The following DSCAML1 variants were observed in gnomAD, a reference collection of about 807,000 sequenced individuals.
DSCAML1 encodes cell adhesion molecule DSCAML1.
Under a neutral mutation model 200.5 loss-of-function variants are expected in DSCAML1, and 38 were observed. That is an observed-to-expected ratio of 0.19 (90% CI 0.15 to 0.25). The LOEUF is 0.25. Among genes scored for constraint, DSCAML1 ranks in the 10% least tolerant of loss-of-function variants. The pLI, the probability that DSCAML1 is intolerant of heterozygous loss-of-function variation, is 1.00. For synonymous variants in DSCAML1, 1,215 were observed against 1,165.0 expected (o/e 1.04, Z -0.87); for missense variants, 2,223 against 2,858.8 (o/e 0.78, Z 5.07).
chr11:117,680,533 C>T (rs994352461), intron 3 of DSCAML1, among the ~76,000 whole-genome samples: 1 of 152,214 alleles, frequency 6.6e-6, no homozygotes, highest in East Asian at 1.9e-4. Context: ...AGCTCCAGGG[C>T]TGGGAGGGAC....
chr11:117,559,664 C>T (rs1281869039), intron 3 of DSCAML1, among the ~76,000 whole-genome samples: 2 of 152,170 alleles, frequency 1.3e-5, no homozygotes, highest in African/African-American at 2.4e-5. Context: ...TTTGGCTTTG[C>T]TGAGCCAGGC....
chr11:117,648,700 G>A (rs563672641), intron 3 of DSCAML1, among the ~76,000 whole-genome samples: 4 of 152,162 alleles, frequency 2.6e-5, no homozygotes, highest in Non-Finnish European at 4.4e-5. Context: ...GACACCTGGT[G>A]CACACTCTGC....
At chr11:117,680,517 A>C (rs2053292710) in intron 3 of DSCAML1, among the ~76,000 whole-genome samples, 1 of 152,198 alleles carries the variant, frequency 6.6e-6, no homozygotes, top group Non-Finnish European at 1.5e-5. Flanking sequence ...GAAGGCATGG[A>C]GGTGCAGCTC....
chr11:117,814,221 C>T (rs879504726), intron 1 of DSCAML1, among the ~76,000 whole-genome samples: 2 of 152,212 alleles, frequency 1.3e-5, no homozygotes, highest in Non-Finnish European at 2.9e-5. Context: ...CCCTATCTCC[C>T]TTCGCTGACT....
intron 5 of DSCAML1, among the ~76,000 whole-genome samples, chr11:117,522,552 G>A (rs891077759): frequency 3.9e-5 from 6 of 152,256 alleles, no homozygotes; most frequent in Non-Finnish European, 2.9e-5. Context: ...AAGCCTGCAG[G>A]AGAGAGGAAG....
At chr11:117,772,576 G>C (rs1305720384) in intron 3 of DSCAML1, among the ~76,000 whole-genome samples, 6 of 152,202 alleles carry the variant, frequency 3.9e-5, no homozygotes, top group Admixed American at 2.6e-4. Context: ...CAGTCAGGAT[G>C]CTGGGGAAGA....
intron 3 of DSCAML1, among the ~76,000 whole-genome samples, chr11:117,773,943 G>A (rs569299989): frequency 3.9e-5 from 6 of 152,270 alleles, no homozygotes; most frequent in East Asian, 1.9e-4. Context: ...GATTAGCATC[G>A]AGGCCACTTT....
intron 15 of DSCAML1, 51 bp from the exon 16 acceptor site, chr11:117,470,031 G>C (rs374250223): frequency 3.6e-5 from 54 of 1,516,986 alleles, no homozygotes; most frequent in Non-Finnish European, 4.6e-5. Flanking sequence ...ACTTGGAAGA[G>C]GAAGGGGTTC....
chr11:117,527,529 T>G (rs922882234), intron 4 of DSCAML1, among the ~76,000 whole-genome samples: 2 of 152,176 alleles, frequency 1.3e-5, no homozygotes, highest in African/African-American at 4.8e-5. Flanking sequence ...ATTGCAGAAC[T>G]GTATAGACTT....
chr11:117,518,453 T>G lies in DSCAML1; in HGVS notation c.1510+13A>C, dbSNP rs772627093. On this transcript the variant is annotated intron_variant, in intron 7 of 32. Coordinates refer to ENST00000651296, the MANE Select transcript of DSCAML1 (RefSeq NM_020693.4). The surrounding 1 kb of genome is among the most constrained non-coding windows in gnomAD (Gnocchi z 6.3). ...TCAAAAACCTATTCTGATATTTAAATGTAGACAGGCACCTCTTACGTTTAT... is the reference window on the plus strand; with the variant it reads ...TCAAAAACCTATTCTGATATTTAAAGGTAGACAGGCACCTCTTACGTTTAT... 1.2e-6 allele frequency: 2 copies of G among 1,614,084 alleles called. No individual in the cohort carries two copies. The highest frequency in any genetic ancestry group is 2.2e-5 in the East Asian group (1 of 44,884).
chr11:117,518,857 A>T lies in DSCAML1; in HGVS notation c.1214-95T>A, dbSNP rs1208738692. On this transcript the variant is annotated intron_variant, in intron 6 of 32. Coordinates refer to ENST00000651296, the MANE Select transcript of DSCAML1 (RefSeq NM_020693.4). This position sits in a 1 kb window ranked among gnomAD's most constrained non-coding sequence, Gnocchi z 6.3. ...CTCAGCAGGGGAGGAGGCAAAAAGC[A>T]GCCATAAGAGCAAACAAGAACTTTT... is the stretch of plus-strand genomic sequence containing the variant. 1.1e-5 allele frequency: 15 copies of T among 1,374,326 alleles called. No individual in the cohort carries two copies. Among genetic ancestry groups the T allele is most frequent in the African/African-American group, 1.5e-5 (1 of 68,680 alleles). The allele number at this position is 1,374,326 out of a possible 1,614,324, so 85.1% of individuals were successfully genotyped here. A position where few individuals can be genotyped will look rare whatever the true frequency, so the allele number is the denominator to read the frequency against.
intron 1 of DSCAML1, among the ~76,000 whole-genome samples, chr11:117,784,002 G>A (rs999642556): frequency 2.0e-5 from 3 of 152,258 alleles, no homozygotes; most frequent in South Asian, 4.2e-4. Flanking sequence ...GATCTTGCTG[G>A]AGCCAAGGAC....
At chr11:117,591,091 G>GAGAACTA (rs2051249837) in intron 3 of DSCAML1, among the ~76,000 whole-genome samples, 1 of 152,308 alleles carries the variant, frequency 6.6e-6, no homozygotes, top group South Asian at 2.1e-4. Flanking sequence ...TTTTGAGAAT[G>GAGAACTA]GAAATCAATG....
intron 3 of DSCAML1, among the ~76,000 whole-genome samples, chr11:117,771,559 T>C (rs1039928679): frequency 1.3e-5 from 2 of 152,152 alleles, no homozygotes; most frequent in Non-Finnish European, 2.9e-5. Context: ...GAGACAGAGA[T>C]GGGCCCTCCT....
At chr11:117,692,765 A>G (rs767469180) in intron 3 of DSCAML1, among the ~76,000 whole-genome samples, 1 of 152,158 alleles carries the variant, frequency 6.6e-6, no homozygotes, top group Admixed American at 6.5e-5. Context: ...CATGACCTGC[A>G]CGGAGGTATT....
chr11:117,563,103 C>T (rs1369601420), intron 3 of DSCAML1, among the ~76,000 whole-genome samples: 1 of 152,200 alleles, frequency 6.6e-6, no homozygotes, highest in Admixed American at 6.5e-5. Flanking sequence ...ACTGCAGCAC[C>T]AAGGCCATTT....
chr11:117,685,218 C>T (rs7129597), intron 3 of DSCAML1, among the ~76,000 whole-genome samples: 21,508 of 152,176 alleles, frequency 0.14, 2,295 homozygotes, highest in African/African-American at 0.3. Flanking sequence ...GAAGGAATCT[C>T]AAAGATCATT....
chr11:117,536,917 A>G (rs1591235687), intron 3 of DSCAML1, among the ~76,000 whole-genome samples: 1 of 152,230 alleles, frequency 6.6e-6, no homozygotes, highest in African/African-American at 2.4e-5. Context: ...TTGAGTAGCT[A>G]TTACAAATTA....
Position 117,435,675 on chromosome 11 carries a change from C to T in DSCAML1, c.4845G>A (p.Lys1615=), listed in dbSNP as rs766597640. ...GTCGCTTCAGCCGTTTCTCCTTCCT[C>T]TTCTTGCGTACGATGAAGAGCAGTG... The part of the protein sequence containing the change: ...GVALLFIVRK[K]RKEKRLKRLR... The change falls in exon 27 of 33, where the codon AAG becomes AAA. Residue 1615 remains lysine, a synonymous_variant. Coordinates refer to ENST00000651296, the MANE Select transcript of DSCAML1 (RefSeq NM_020693.4). 3.7e-6 allele frequency: 6 copies of T among 1,607,046 alleles called. No homozygotes were observed. Among genetic ancestry groups the T allele is most frequent in the Non-Finnish European group, 5.1e-6 (6 of 1,174,176 alleles).
Sources: allele counts gnomAD v4.1 joint callset (sites outside exome capture counted in the v4.1 genomes callset), GRCh38; gene constraint gnomAD v4.1.1; non-coding constraint Gnocchi (gnomAD v3.1); transcripts MANE v1.5; gene names NCBI Gene and HGNC (gene_info 2026-07-23, HGNC 2026-07-21).